Variants in CA10 observed in about 807,000 individuals in gnomAD.
CA10 encodes the protein carbonic anhydrase-related protein 10.
Under a neutral mutation model 44.2 loss-of-function variants are expected in CA10, and 14 were observed. The ratio of observed to expected loss-of-function variants is 0.32; its 90% confidence interval spans 0.21 to 0.50. CA10 has a LOEUF of 0.50. CA10 is among the 20% of genes least tolerant of loss of function. CA10 has a pLI of 0.99. For missense variants in CA10, 350 were observed against 409.7 expected, an observed-to-expected ratio of 0.85 and a Z score of 1.26; for synonymous variants, 159 against 141.6, an observed-to-expected ratio of 1.12 and a Z score of -0.87.
At chr17:52,022,856 C>A (rs1232706094) in intron 2 of CA10, among the ~76,000 whole-genome samples, 1 of 151,900 alleles carries the variant, frequency 6.6e-6, no homozygotes, top group African/African-American at 2.4e-5. Flanking sequence ...ATCCTATTTA[C>A]AATAGCAACA....
intron 4 of CA10, among the ~76,000 whole-genome samples, chr17:51,666,256 G>C (rs1411753365): frequency 6.6e-6 from 1 of 152,232 alleles, no homozygotes; most frequent in Admixed American, 6.5e-5. Flanking sequence ...CCATGTGTAA[G>C]AGGAAGAGGC....
At position 51,839,500 on chromosome 17, in the gene CA10, C is replaced by CAAA. The variant is rs34200978; in HGVS notation, c.279+91487_279+91489dup. 2.1e-3 allele frequency among the ~76,000 whole-genome samples: 75 copies of CAAA among 36,292 alleles called. 2 individuals are homozygous for CAAA. Among genetic ancestry groups the CAAA allele is most frequent in the South Asian group, 4.0e-3 (2 of 500 alleles). The allele number at this position is 36,292 out of a possible 152,430, so 23.8% of individuals were successfully genotyped here. ...AGAGCAACAGAGCAAGACTCCTTCT[C>CAAA]AAAAAAAAAAAAAAAAAAAAAAAAA... On this transcript the variant is annotated intron_variant, in intron 3 of 8. Transcript: ENST00000451037.
chr17:51,821,245 T>G (rs187891473), intron 3 of CA10, among the ~76,000 whole-genome samples: 1 of 150,066 alleles, frequency 6.7e-6, no homozygotes, highest in East Asian at 2.0e-4. Flanking sequence ...CTTCCCTTCA[T>G]GGGAGCCCAC....
intron 3 of CA10, among the ~76,000 whole-genome samples, chr17:51,753,817 A>G (rs75025608): frequency 0.071 from 10,756 of 152,150 alleles, 1,135 homozygotes; most frequent in African/African-American, 0.23. Context: ...TGTGCTTTTA[A>G]CCACTGGAAA....
At chr17:51,653,600 G>A (rs765969311) in intron 5 of CA10, 41 bp downstream of exon 5, 2 of 1,018,222 alleles carry the variant, frequency 2.0e-6, no homozygotes, top group South Asian at 1.3e-5. Flanking sequence ...TCTGATTGAG[G>A]TGGGGATGGT....
intron 2 of CA10, among the ~76,000 whole-genome samples, chr17:51,943,455 T>C (rs1361870213): frequency 6.6e-6 from 1 of 152,236 alleles, no homozygotes; most frequent in Non-Finnish European, 1.5e-5. Flanking sequence ...AAATCTCTTG[T>C]ATTCAAAATG....
intron 3 of CA10, among the ~76,000 whole-genome samples, chr17:51,764,932 G>C (rs888629530): frequency 1.3e-5 from 2 of 152,154 alleles, no homozygotes; most frequent in African/African-American, 2.4e-5. Flanking sequence ...CAATATAACT[G>C]CTCCACTTTG....
At chr17:52,062,551 G>A (rs1987418382) in intron 2 of CA10, among the ~76,000 whole-genome samples, 1 of 152,216 alleles carries the variant, frequency 6.6e-6, no homozygotes, top group Admixed American at 6.5e-5. Context: ...AATGGTTTCA[G>A]GGAACAGGCC....
In CA10 at chr17:51,791,236, A is replaced by G. The variant is rs544079554; in HGVS notation, c.280-43418T>C. Among the ~76,000 whole-genome samples, 6 of 152,358 alleles carry G rather than the reference A, an allele frequency of 3.9e-5. No individual in the cohort carries two copies. In the East Asian group the frequency reaches 9.6e-4, roughly 24 times the overall value. On this transcript the variant is annotated intron_variant, in intron 3 of 8. Transcript: ENST00000451037. ...CTAAGGTCTAGGCATTCCAAATTTC[A>G]TGACTCATCTATTGTACCAGTTTAA...
At chr17:52,046,586 T>C (rs1400142527) in intron 2 of CA10, among the ~76,000 whole-genome samples, 3 of 151,812 alleles carry the variant, frequency 2.0e-5, no homozygotes, top group African/African-American at 4.8e-5. Context: ...TTATAAAAAT[T>C]GTGTAGGCCT....
At chr17:51,698,256 T>C (rs1321856807) in intron 4 of CA10, among the ~76,000 whole-genome samples, 1 of 152,224 alleles carries the variant, frequency 6.6e-6, no homozygotes, top group Non-Finnish European at 1.5e-5. Flanking sequence ...TCACCTTCCG[T>C]CTGGCTGGCT....
At chr17:51,824,320 T>C (rs1000490279) in intron 3 of CA10, among the ~76,000 whole-genome samples, 2 of 152,156 alleles carry the variant, frequency 1.3e-5, no homozygotes, top group African/African-American at 4.8e-5. Flanking sequence ...ATTTAATACA[T>C]CCCTTCAGGT....
rs139237454 is a variant in CA10, at chr17:52,057,223, A to G, written c.136+15096T>C. Among the ~76,000 whole-genome samples, 18 of 152,186 alleles carry G rather than the reference A, an allele frequency of 1.2e-4. No individual in the cohort carries two copies. In the East Asian group the frequency reaches 1.9e-3, roughly 16 times the overall value. Reference sequence around the variant, plus strand: ...TCGACTTATACACAGATTATTTTCAATAAGTTACACTGAGGGTGCCTGCCC... The same window carrying G: ...TCGACTTATACACAGATTATTTTCAGTAAGTTACACTGAGGGTGCCTGCCC... On this transcript the variant is annotated intron_variant, in intron 2 of 8. Transcript: ENST00000451037.
chr17:51,707,496 G>A (rs746981315), intron 4 of CA10, among the ~76,000 whole-genome samples: 2 of 152,188 alleles, frequency 1.3e-5, no homozygotes, highest in Non-Finnish European at 2.9e-5. Flanking sequence ...GTTCCCTGAA[G>A]CTGAAACACA....
At chr17:51,692,353 T>TAC (rs1915227704) in intron 4 of CA10, among the ~76,000 whole-genome samples, 1 of 149,964 alleles carries the variant, frequency 6.7e-6, no homozygotes, top group Non-Finnish European at 1.5e-5. Context: ...TACCTACCTA[T>TAC]CTACCTATCC....
intron 3 of CA10, among the ~76,000 whole-genome samples, chr17:51,908,500 C>T (rs1981656431): frequency 6.6e-6 from 1 of 152,188 alleles, no homozygotes; most frequent in South Asian, 2.1e-4. Context: ...ATCATGTTGG[C>T]AGTTCCTGCC....
At chr17:51,718,171 C>T (rs1316734933) in intron 4 of CA10, among the ~76,000 whole-genome samples, 1 of 151,056 alleles carries the variant, frequency 6.6e-6, no homozygotes, top group East Asian at 2.0e-4. Context: ...CACTAAGGAA[C>T]TTAGTCATGT....
At chr17:51,665,337 G>A (rs1272381082) in intron 4 of CA10, among the ~76,000 whole-genome samples, 1 of 152,182 alleles carries the variant, frequency 6.6e-6, no homozygotes, top group Non-Finnish European at 1.5e-5. Flanking sequence ...AAGGGGCTGA[G>A]TTTGAATGAC....
intron 3 of CA10, among the ~76,000 whole-genome samples, chr17:51,849,242 T>C (rs868253822): frequency 0.018 from 2,254 of 124,558 alleles, 85 homozygotes; most frequent in African/African-American, 0.055. Context: ...TGTATATATA[T>C]ATATATATAT....
Sources: gnomAD v4.1 joint callset for allele counts (sites outside exome capture counted in the v4.1 genomes callset) on GRCh38, gnomAD v4.1.1 for gene constraint, MANE v1.5 for transcripts, NCBI Gene and HGNC (gene_info 2026-07-23, HGNC 2026-07-21) for gene names.